PLCB4: variants seen among roughly 807,000 people sequenced by gnomAD.
PLCB4 encodes the protein phospholipase C beta 4.
PLCB4 carries 77 observed loss-of-function variants against 178.8 expected under a neutral mutation model. That is an observed-to-expected ratio of 0.43 (90% CI 0.36 to 0.52). The LOEUF is 0.52. Ranked by LOEUF, PLCB4 falls within the 20% of genes least tolerant of loss-of-function variation. The pLI is 0.00. For synonymous variants in PLCB4, 496 were observed against 490.8 expected, an observed-to-expected ratio of 1.01 and a Z score of -0.14; for missense variants, 1,024 against 1,453.4, an observed-to-expected ratio of 0.70 and a Z score of 4.80.
At chr20:9,302,234 G>GT (rs2094714103) in intron 3 of PLCB4, among the ~76,000 whole-genome samples, 1 of 151,814 alleles carries the variant, frequency 6.6e-6, no homozygotes, top group Admixed American at 6.6e-5. Flanking sequence ...CAATAAGAAT[G>GT]TAGTTATAGG....
rs374466346 is a variant in PLCB4 at position 9,206,304 on chromosome 20, T to C, written c.-78-11086T>C. Among the ~76,000 whole-genome samples, 422 of 55,274 alleles carry C rather than the reference T, an allele frequency of 7.6e-3. 1 individual carries two copies. The highest frequency in any genetic ancestry group is 0.032 in the African/African-American group (388 of 12,040). The allele number at this position is 55,274 out of a possible 152,430, so 36.3% of individuals were successfully genotyped here. The stretch of plus-strand genomic sequence containing the variant: ...CTGCCTTTTTTTTCTTTTTTCTTTT[T>C]TTTTTTTTTTTTTTTTTTGGTCAGT... On this transcript the variant is annotated intron_variant, in intron 2 of 39. Transcript: ENST00000378473.
chr20:9,227,366 C>T (rs1277426120), intron 3 of PLCB4, among the ~76,000 whole-genome samples: 1 of 151,822 alleles, frequency 6.6e-6, no homozygotes, highest in Non-Finnish European at 1.5e-5. Context: ...TATGTTAGAT[C>T]CCTTCATATT....
chr20:9,287,964 T>C (rs372032629), intron 3 of PLCB4, among the ~76,000 whole-genome samples: 3 of 152,108 alleles, frequency 2.0e-5, no homozygotes, highest in South Asian at 4.2e-4. Context: ...ACCAGTGAGA[T>C]TGGGTTTTGG....
intron 19 of PLCB4, among the ~76,000 whole-genome samples, chr20:9,396,468 T>C (rs1379143575): frequency 6.6e-6 from 1 of 152,236 alleles, no homozygotes; most frequent in Non-Finnish European, 1.5e-5. Flanking sequence ...CTTAAAATAT[T>C]TGAGTATGTG....
Position 9,365,584 on chromosome 20 carries a change from C to A in PLCB4, c.503+70C>A, listed in dbSNP as rs927853862. 10 of 868,944 alleles carry A rather than the reference C, an allele frequency of 1.2e-5. No homozygotes were observed. The African/African-American group carries it at 1.7e-4, about 15-fold the overall frequency. The allele number at this position is 868,944 out of a possible 1,614,324, so 53.8% of individuals were successfully genotyped here. On this transcript the variant is annotated intron_variant, in intron 9 of 39. Coordinates refer to ENST00000378473, the MANE Select transcript of PLCB4 (RefSeq NM_001377142.1). ...TTGTCATCCCAAACCAAAGAGAGAA[C>A]CCTTCACAAGTATTTGTGTGTTAAA...
chr20:9,355,422 C>G (rs1366873270), intron 7 of PLCB4, among the ~76,000 whole-genome samples: 1 of 152,056 alleles, frequency 6.6e-6, no homozygotes, highest in Non-Finnish European at 1.5e-5. Context: ...TTAGGTATAT[C>G]TCCTAATGCT....
At chr20:9,413,184 C>T (rs2039978738) in intron 25 of PLCB4, among the ~76,000 whole-genome samples, 1 of 152,214 alleles carries the variant, frequency 6.6e-6, no homozygotes, top group South Asian at 2.1e-4. Context: ...TGAAAACTTG[C>T]AGTGGCCCGG....
chr20:9,189,461 G>A (rs1276135702), intron 2 of PLCB4, among the ~76,000 whole-genome samples: 1 of 143,380 alleles, frequency 7.0e-6, no homozygotes, highest in African/African-American at 2.6e-5. Flanking sequence ...TTGGTTAATT[G>A]TTCATTGTGG....
At chr20:9,201,459 A>G (rs1280391991) in intron 2 of PLCB4, among the ~76,000 whole-genome samples, 1 of 152,198 alleles carries the variant, frequency 6.6e-6, no homozygotes, top group Non-Finnish European at 1.5e-5. Flanking sequence ...ATTGGTAGGT[A>G]TTAGGCACAT....
At chr20:9,272,715 T>TGG (rs1181282951) in intron 3 of PLCB4, among the ~76,000 whole-genome samples, 1 of 152,038 alleles carries the variant, frequency 6.6e-6, no homozygotes, top group African/African-American at 2.4e-5. Flanking sequence ...CTCCCCAGGG[T>TGG]GGGGACGTGT....
intron 7 of PLCB4, among the ~76,000 whole-genome samples, chr20:9,354,735 CACAGGAATCTGGCA>C (rs1169031143): frequency 6.6e-6 from 1 of 152,190 alleles, no homozygotes; most frequent in East Asian, 1.9e-4. Context: ...GAGCCTAGGG[CACAGGAATCTGGCA>C]AGCCCAAATG....
intron 9 of PLCB4, 114 bp downstream of exon 9, chr20:9,365,628 G>T: frequency 1.8e-6 from 1 of 557,558 alleles, no homozygotes; most frequent in Non-Finnish European, 3.2e-6. Context: ...AGATATTTCT[G>T]GAATCTTAGT....
At chr20:9,246,477 A>G (rs772479910) in intron 3 of PLCB4, among the ~76,000 whole-genome samples, 5 of 152,232 alleles carry the variant, frequency 3.3e-5, no homozygotes. Flanking sequence ...AAAAACTTTC[A>G]AAGTTTGCTT....
chr20:9,266,582 A>G (rs1277991588), intron 3 of PLCB4, among the ~76,000 whole-genome samples: 1 of 152,178 alleles, frequency 6.6e-6, no homozygotes, highest in Non-Finnish European at 1.5e-5. Context: ...CTTTTTAAAA[A>G]ACATTCCTTA....
intron 4 of PLCB4, among the ~76,000 whole-genome samples, chr20:9,319,406 G>A (rs2094935135): frequency 6.6e-6 from 1 of 152,130 alleles, no homozygotes; most frequent in African/African-American, 2.4e-5. Context: ...GGGTTCTCCA[G>A]AGAAACAGAG....
chr20:9,365,501 A>C lies in PLCB4; in HGVS notation c.490A>C (p.Ile164Leu). 1 of 1,606,054 alleles carries C rather than the reference A, an allele frequency of 6.2e-7. No homozygotes were observed. The change falls in exon 9 of 40, where the codon ATT becomes CTT. Residue 164 changes from isoleucine (I) to leucine (L), a missense_variant. Coordinates refer to ENST00000378473, the MANE Select transcript of PLCB4 (RefSeq NM_001377142.1). ...LAFMTNTNGKIPVRSITRTFA... is the reference protein window; with the variant it reads ...LAFMTNTNGKLPVRSITRTFA... ...ATTTATGACCAACACAAATGGTAAA[A>C]TTCCAGTTAGGAGGTAAGTAATCAT...
intron 3 of PLCB4, among the ~76,000 whole-genome samples, chr20:9,287,863 T>C (rs1193448066): frequency 6.6e-6 from 1 of 152,118 alleles, no homozygotes; most frequent in Non-Finnish European, 1.5e-5. Flanking sequence ...ATCTCTTATG[T>C]TTTTCTTTTC....
In PLCB4 at chr20:9,348,488, C is replaced by G. The variant is rs935720409; in HGVS notation, c.369+9451C>G. 3.3e-5 allele frequency among the ~76,000 whole-genome samples: 5 copies of G among 152,120 alleles called. No homozygotes were observed. The East Asian group carries it at 9.7e-4, about 29-fold the overall frequency. ...GTTTAAATTTTTTTCTCTGAGGAAC[C>G]TGTTAGTTGCATGACCTGCTATGGG... On this transcript the variant is annotated intron_variant, in intron 7 of 39. Coordinates refer to ENST00000378473, the MANE Select transcript of PLCB4 (RefSeq NM_001377142.1).
At chr20:9,149,870 C>T (rs6140876) in intron 2 of PLCB4, among the ~76,000 whole-genome samples, 9,737 of 152,172 alleles carry the variant, frequency 0.064, 810 homozygotes, top group East Asian at 0.32. Flanking sequence ...GGGGAAAGGA[C>T]GGATTCAGGA....
Sources: gnomAD v4.1 joint callset for allele counts (sites outside exome capture counted in the v4.1 genomes callset) on GRCh38, gnomAD v4.1.1 for gene constraint, MANE v1.5 for transcripts, NCBI Gene and HGNC (gene_info 2026-07-23, HGNC 2026-07-21) for gene names.